Variants in RUNX2 observed in about 807,000 individuals in gnomAD.
The protein encoded by RUNX2 is runt-related transcription factor 2.
A neutral mutation model predicts 51.7 loss-of-function variants in RUNX2; 10 were observed. The ratio of observed to expected loss-of-function variants is 0.19; its 90% CI spans 0.12 to 0.33. The LOEUF (loss-of-function observed/expected upper bound fraction) is 0.33, where lower values mean the gene tolerates loss of function less well. Ranked by LOEUF, RUNX2 falls within the 10% of genes least tolerant of loss-of-function variation. The pLI is 1.00. For synonymous variants in RUNX2, 276 were observed against 273.6 expected (o/e 1.01, Z -0.09); for missense variants, 562 against 691.3 (o/e 0.81, Z 2.10).
chr6:45,397,265 G>A (rs755058214), intron 2 of RUNX2, among the ~76,000 whole-genome samples: 4 of 151,796 alleles, frequency 2.6e-5, no homozygotes, highest in Non-Finnish European at 4.4e-5. Flanking sequence ...CACCACGTCC[G>A]GCTAATTTTT....
intron 5 of RUNX2, among the ~76,000 whole-genome samples, chr6:45,474,373 A>G (rs1396114169): frequency 1.3e-5 from 2 of 149,418 alleles, no homozygotes; most frequent in African/African-American, 2.5e-5. Context: ...TGTTTTATAT[A>G]TGTGTGTGTG....
chr6:45,537,879 C>T (rs572770239), intron 7 of RUNX2, among the ~76,000 whole-genome samples: 1 of 152,320 alleles, frequency 6.6e-6, no homozygotes, highest in East Asian at 1.9e-4. Context: ...CCTGCTCTCC[C>T]TGATCTGCTG....
Position 45,505,528 on chromosome 6 carries a change from C to A in RUNX2, c.860-6718C>A, listed in dbSNP as rs574514555. Among the ~76,000 whole-genome samples, 52 of 152,104 alleles carry A rather than the reference C, an allele frequency of 3.4e-4. 1 individual carries two copies. Among genetic ancestry groups the A allele is most frequent in the Non-Finnish European group, 7.2e-4 (49 of 68,008 alleles). ...CACTGTAGGAAGTGCATAGCCACCC[C>A]CTTTTTGTTCCCCATACCAGTGATT... On this transcript the variant is annotated intron_variant, in intron 6 of 8. Coordinates refer to ENST00000647337, the MANE Select transcript of RUNX2 (RefSeq NM_001024630.4).
chr6:45,404,207 C>T (rs1458812866), intron 2 of RUNX2, among the ~76,000 whole-genome samples: 2 of 125,978 alleles, frequency 1.6e-5, no homozygotes, highest in Admixed American at 1.0e-4. Flanking sequence ...TTGCAGTGAG[C>T]TGAGATTGTG....
intron 5 of RUNX2, among the ~76,000 whole-genome samples, chr6:45,472,288 C>T (rs1799826124): frequency 6.6e-6 from 1 of 152,112 alleles, no homozygotes; most frequent in Non-Finnish European, 1.5e-5. Context: ...AGTAAGCAGA[C>T]ATCAGAAACG....
chr6:45,422,019 GGGGAGCGGCGGCCGCCGCGGA>G (rs1375669742), intron 2 of RUNX2: 7 of 149,122 alleles, frequency 4.7e-5, no homozygotes, highest in African/African-American at 1.7e-4. Flanking sequence ...GCCCGCGCGG[GGGGAGCGGCGGCCGCCGCGGA>G]GGCGGCGGCG....
At chr6:45,348,102 G>A (rs1450154482) in intron 2 of RUNX2, among the ~76,000 whole-genome samples, 2 of 152,022 alleles carry the variant, frequency 1.3e-5, no homozygotes, top group African/African-American at 2.4e-5. Flanking sequence ...TAGTTTTTAC[G>A]TTAAAAGCAG....
At chr6:45,407,396 T>G (rs1318271697) in intron 2 of RUNX2, among the ~76,000 whole-genome samples, 2 of 152,142 alleles carry the variant, frequency 1.3e-5, no homozygotes, top group Non-Finnish European at 2.9e-5. Flanking sequence ...GTGAGACACC[T>G]TCATCCATTA....
At chr6:45,368,624 T>C (rs543356069) in intron 2 of RUNX2, among the ~76,000 whole-genome samples, 1 of 152,260 alleles carries the variant, frequency 6.6e-6, no homozygotes, top group African/African-American at 2.4e-5. Context: ...TACTAGTTTC[T>C]GCACCCTCCA....
intron 2 of RUNX2, among the ~76,000 whole-genome samples, chr6:45,418,649 T>A (rs910824317): frequency 4.6e-5 from 7 of 152,238 alleles, no homozygotes; most frequent in Non-Finnish European, 1.0e-4. Flanking sequence ...AAAAATGTTT[T>A]CTTTCTTTAA....
chr6:45,334,403 T>C (rs935283555), intron 2 of RUNX2, among the ~76,000 whole-genome samples: 2 of 136,172 alleles, frequency 1.5e-5, no homozygotes, highest in African/African-American at 2.8e-5. Context: ...ATATTCCTTA[T>C]AGTCATGTAT....
chr6:45,496,184 A>C (rs1244870684), intron 6 of RUNX2, among the ~76,000 whole-genome samples: 1 of 152,170 alleles, frequency 6.6e-6, no homozygotes, highest in East Asian at 1.9e-4. Flanking sequence ...GATATCTTTA[A>C]ACTCATTATC....
At chr6:45,539,014 A>AT (rs1299352729) in intron 7 of RUNX2, among the ~76,000 whole-genome samples, 2 of 151,030 alleles carry the variant, frequency 1.3e-5, no homozygotes, top group Non-Finnish European at 2.9e-5. Context: ...GATCTCTCTC[A>AT]TTTTTCCTCC....
Position 45,389,074 on chromosome 6 carries a change from C to A in RUNX2, c.59-33519C>A, listed in dbSNP as rs975698675. Among the ~76,000 whole-genome samples the A allele has an allele frequency of 2.6e-5, 4 of 152,302 alleles. No homozygotes were observed. The South Asian group carries it at 8.3e-4, about 32-fold the overall frequency. ...CTCCAACAAATGTTTCTTAAACCTTCGGCTTCTACTACTACTTGTCTTGCA... is the reference window on the plus strand; with the variant it reads ...CTCCAACAAATGTTTCTTAAACCTTAGGCTTCTACTACTACTTGTCTTGCA... On this transcript the variant is annotated intron_variant, in intron 2 of 8. Transcript: ENST00000647337.
rs535969678 is a variant in RUNX2 at position 45,473,792 on chromosome 6, C to A, written c.686-18149C>A. Among the ~76,000 whole-genome samples, 3 of 152,290 alleles carry A rather than the reference C, an allele frequency of 2.0e-5. No individual in the cohort carries two copies. In the East Asian group the frequency reaches 5.8e-4, roughly 29 times the overall value. On this transcript the variant is annotated intron_variant, in intron 5 of 8. Transcript: ENST00000647337. Reference sequence around the variant, plus strand: ...TCTCAGAAGAGATGTTATTACAGGGCCACTTCCCTCTGAAATTTTGAGTCA... The same window carrying A: ...TCTCAGAAGAGATGTTATTACAGGGACACTTCCCTCTGAAATTTTGAGTCA...
At chr6:45,391,351 C>T (rs2150347108) in intron 2 of RUNX2, among the ~76,000 whole-genome samples, 1 of 152,262 alleles carries the variant, frequency 6.6e-6, no homozygotes, top group South Asian at 2.1e-4. Context: ...CTTGTTCCCA[C>T]TCTCGCCCTG....
At chr6:45,430,538 G>C (rs1227901148) in intron 3 of RUNX2, among the ~76,000 whole-genome samples, 1 of 152,182 alleles carries the variant, frequency 6.6e-6, no homozygotes, top group Non-Finnish European at 1.5e-5. Context: ...AGGGTTCATG[G>C]ATGGGGGAAA....
intron 7 of RUNX2, among the ~76,000 whole-genome samples, chr6:45,538,814 C>T (rs1230042342): frequency 6.6e-6 from 1 of 151,954 alleles, no homozygotes. Flanking sequence ...GGAGCACAGA[C>T]GTGTGCATGG....
intron 6 of RUNX2, among the ~76,000 whole-genome samples, chr6:45,503,721 T>G (rs997971056): frequency 6.6e-5 from 10 of 152,200 alleles, no homozygotes; most frequent in African/African-American, 2.4e-4. Flanking sequence ...CTATTAGATT[T>G]TTTTAAAACA....
Sources: gnomAD v4.1 joint callset for allele counts (sites outside exome capture counted in the v4.1 genomes callset) on GRCh38, gnomAD v4.1.1 for gene constraint, MANE v1.5 for transcripts, NCBI Gene and HGNC (gene_info 2026-07-23, HGNC 2026-07-21) for gene names.